Variants in ZNF432 observed in about 807,000 individuals in gnomAD.
ZNF432 encodes zinc finger protein 432.
Under a neutral mutation model 13.9 loss-of-function variants are expected in ZNF432, and 10 were observed. The observed-to-expected ratio is 0.72, with a 90% CI of 0.44 to 1.22. The LOEUF (loss-of-function observed/expected upper bound fraction) is 1.22. Among genes scored for constraint, ZNF432 ranks in the 50% most tolerant of loss-of-function variants. The pLI is 0.00. For missense variants in ZNF432, 793 were observed against 796.2 expected, an observed-to-expected ratio of 1.00 and a Z score of 0.05; for synonymous variants, 247 against 256.2, an observed-to-expected ratio of 0.96 and a Z score of 0.34.
chr19:52,044,227 C>T (rs1056791176), intron 2 of ZNF432, among the ~76,000 whole-genome samples: 11 of 151,774 alleles, frequency 7.2e-5, no homozygotes, highest in African/African-American at 2.2e-4. Context: ...TTATTTCACA[C>T]GAGAAATAAA....
chr19:52,039,940 C>A (rs2087118826), intron 4 of ZNF432, among the ~76,000 whole-genome samples: 1 of 151,032 alleles, frequency 6.6e-6, no homozygotes, highest in African/African-American at 2.4e-5. Flanking sequence ...GAAAATCTTC[C>A]AAAATTGACT....
Position 52,034,857 on chromosome 19 carries a change from G to A in ZNF432, c.822C>T (p.Ser274=). The A allele has an allele frequency of 6.2e-7, 1 of 1,613,822 alleles. No individual in the cohort carries two copies. Among genetic ancestry groups the A allele is most frequent in the South Asian group, 1.1e-5 (1 of 91,002 alleles). The change falls in exon 5 of 5, where the codon AGC becomes AGT. Residue 274 remains serine (S), a synonymous_variant. Coordinates refer to ENST00000221315, the MANE Select transcript of ZNF432 (RefSeq NM_014650.4). ...GAGTTCGCTGATGTTCAATCAGACG[G>A]CTCTTCATAGTGAAGACTTTTCCAC... ...SECGKVFTMK[S]RLIEHQRTHT...
At chr19:52,039,047 T>C (rs879303079) in intron 4 of ZNF432, among the ~76,000 whole-genome samples, 1 of 152,228 alleles carries the variant, frequency 6.6e-6, no homozygotes, top group Non-Finnish European at 1.5e-5. Context: ...GACTGAAACC[T>C]AATCAAAACT....
chr19:52,048,169 A>ACACG (rs2087207901), intron 1 of ZNF432, among the ~76,000 whole-genome samples: 1 of 150,354 alleles, frequency 6.7e-6, no homozygotes. Context: ...ACACACACAC[A>ACACG]CACACACACA....
chr19:52,041,332 G>C, intron 3 of ZNF432, 148 bp downstream of exon 3: 6 of 974,140 alleles, frequency 6.2e-6, no homozygotes, highest in Middle Eastern at 3.2e-4. Context: ...ACACTGAGGG[G>C]TGACGGTATA....
intron 2 of ZNF432, among the ~76,000 whole-genome samples, chr19:52,045,352 C>CTTTTTT (rs11433756): frequency 9.3e-6 from 1 of 107,556 alleles, no homozygotes; most frequent in African/African-American, 3.8e-5. Context: ...CTTTTTTTAC[C>CTTTTTT]TTTTTTTTTT....
chr19:52,041,636 G>T, intron 2 of ZNF432, 30 bp from the exon 3 acceptor site: 1 of 1,613,720 alleles, frequency 6.2e-7, no homozygotes, highest in Non-Finnish European at 8.5e-7. Flanking sequence ...TGCTTAATAG[G>T]AAGTGTTTCT....
At chr19:52,048,182 C>CAAAAAAAAAAAAAA (rs910956223) in intron 1 of ZNF432, among the ~76,000 whole-genome samples, 4 of 146,216 alleles carry the variant, frequency 2.7e-5, no homozygotes, top group African/African-American at 1.1e-4. Flanking sequence ...CACACACACA[C>CAAAAAAAAAAAAAA]AAAACCAGCC....
At position 52,032,745 on chromosome 19, in the gene ZNF432, A is replaced by G. The variant is rs966006760; in HGVS notation, c.*975T>C. 5.3e-5 allele frequency: 8 copies of G among 152,038 alleles called. No homozygotes were observed. The highest frequency in any genetic ancestry group is 1.9e-4 in the African/African-American group (8 of 41,410). The allele number at this position is 152,038 out of a possible 1,614,324, so 9.4% of individuals were successfully genotyped here. On this transcript the variant is annotated 3_prime_UTR_variant, in exon 5 of 5. Transcript: ENST00000221315. Reference sequence around the variant, plus strand: ...GCCACCATGCCCGGCATTATGTATCATTTTCATGAGACTTTTTTACTTCAT... The same window carrying G: ...GCCACCATGCCCGGCATTATGTATCGTTTTCATGAGACTTTTTTACTTCAT...
chr19:52,040,539 C>T lies in ZNF432; in HGVS notation c.187G>A (p.Gly63Arg), dbSNP rs926769893. ...TCTTCCATTGTCCATGGTTCTTCTC[C>T]TCGTTCCAACTTGGAGAGTGCATCT... ...KPDALSKLER[G>R]EEPWTMEDER... The change falls in exon 4 of 5, where the codon GGA (glycine) becomes AGA (arginine). Residue 63 changes from glycine to arginine, a missense_variant. Gly to Arg is a moderately radical substitution (Grantham distance 125). Transcript: ENST00000221315. The T allele has an allele frequency of 6.2e-7, 1 of 1,614,138 alleles. No individual in the cohort carries two copies. The highest frequency in any genetic ancestry group is 8.5e-7 in the Non-Finnish European group (1 of 1,180,018).
At chr19:52,042,820 T>C (rs1231065075) in intron 2 of ZNF432, among the ~76,000 whole-genome samples, 2 of 152,030 alleles carry the variant, frequency 1.3e-5, no homozygotes, top group South Asian at 2.1e-4. Context: ...CTATTGAACA[T>C]CAGATGCACA....
intron 2 of ZNF432, among the ~76,000 whole-genome samples, chr19:52,043,774 G>A (rs904260807): frequency 3.9e-5 from 6 of 152,256 alleles, no homozygotes; most frequent in African/African-American, 1.4e-4. Flanking sequence ...AGATGTTTAT[G>A]TGTATGCGTA....
rs2087028517 is a variant in ZNF432, at chr19:52,032,818, C to A, written c.*902G>T. The A allele has an allele frequency of 6.6e-6, 1 of 152,160 alleles. No homozygotes were observed. Among genetic ancestry groups the A allele is most frequent in the South Asian group, 2.1e-4 (1 of 4,830 alleles). The allele number at this position is 152,160 out of a possible 1,614,324, so 9.4% of individuals were successfully genotyped here. ...GTTACTCTTCATATAAGTTTTATTT[C>A]TGTATGAAGTAATGATGATGAGGCA... On this transcript the variant is annotated 3_prime_UTR_variant, in exon 5 of 5. Transcript: ENST00000221315.
rs1386409705 is a variant in ZNF432 at position 52,035,362 on chromosome 19, T to C, written c.317A>G (p.Glu106Gly). The change falls in exon 5 of 5, where the codon GAA becomes GGA. Residue 106 changes from glutamate (E) to glycine (G), a missense_variant. Physicochemically the swap from Glu to Gly is moderately conservative, Grantham distance 98. Transcript: ENST00000221315. ...RMLKSVEQYH[E>G]HNAFGNTASQ... ...GGCAGTATTTCCAAATGCATTATGT[T>C]CATGGTATTGTTCCACACTCTTCAG... The C allele has an allele frequency of 6.2e-7, 1 of 1,610,200 alleles. No individual in the cohort carries two copies.
chr19:52,034,613 T>C lies in ZNF432; in HGVS notation c.1066A>G (p.Thr356Ala). The C allele has an allele frequency of 6.2e-7, 1 of 1,611,568 alleles. No individual in the cohort carries two copies. Among genetic ancestry groups the C allele is most frequent in the South Asian group, 1.1e-5 (1 of 90,928 alleles). Residue 356 changes from threonine (T) to alanine (A), a missense_variant, in exon 5 of 5, where the codon ACA becomes GCA. Physicochemically the swap from Thr to Ala is moderately conservative, Grantham distance 58 (BLOSUM62 0). Coordinates refer to ENST00000221315, the MANE Select transcript of ZNF432 (RefSeq NM_014650.4). ...TGATGTATGATGACATAGTGTTTTG[T>C]GGTGAAGCCTTTCCCACATTCACTA... ...ICSECGKGFT[T>A]KHYVIIHQRN...
rs1173846682 is a variant in ZNF432, at chr19:52,034,392, A to C, written c.1287T>G (p.Tyr429Ter). ...AACCTTTTCCACATTCACTACATAG[A>C]TATGACTTCTCTACTGTATGATTTC... is the stretch of plus-strand genomic sequence containing the variant. ...HQRNHTVEKS[Y>*]LCSECGKGFT... Residue 429 changes from tyrosine to a stop codon, truncating the protein, a stop_gained, in exon 5 of 5, where the codon TAT (tyrosine) becomes TAG (stop). Transcript: ENST00000221315. LOFTEE classifies it low-confidence loss of function (END_TRUNC). The C allele has an allele frequency of 6.2e-7, 1 of 1,613,644 alleles. No homozygotes were observed. The highest frequency in any genetic ancestry group is 1.1e-5 in the South Asian group (1 of 91,034).
At chr19:52,040,450 TATA>T (rs753498124) in intron 4 of ZNF432, 35 bp downstream of exon 4, 2 of 1,572,480 alleles carry the variant, frequency 1.3e-6, no homozygotes, top group Non-Finnish European at 1.8e-6. Flanking sequence ...TTTCACTGAC[TATA>T]ATATTACTTA....
At position 52,040,940 on chromosome 19, in the gene ZNF432, A is replaced by C. The variant is rs77234198; in HGVS notation, c.143-357T>G. 5.4e-4 allele frequency among the ~76,000 whole-genome samples: 57 copies of C among 104,660 alleles called. No individual in the cohort carries two copies. In the East Asian group the frequency reaches 6.7e-3, roughly 12 times the overall value. The allele number at this position is 104,660 out of a possible 152,430, so 68.7% of individuals were successfully genotyped here. A position where few individuals can be genotyped will look rare whatever the true frequency, so the allele number is the denominator to read the frequency against. On this transcript the variant is annotated intron_variant, in intron 3 of 4. Transcript: ENST00000221315. ...TGGGCAACATAGACTCCATCTCTACAAAAAAAAAAAAAAATTAGCCAAGCA... is the reference window on the plus strand; with the variant it reads ...TGGGCAACATAGACTCCATCTCTACCAAAAAAAAAAAAAATTAGCCAAGCA...
rs567360788 is a variant in ZNF432, at chr19:52,039,278, C to T, written c.238+1210G>A. 7.9e-5 allele frequency among the ~76,000 whole-genome samples: 12 copies of T among 152,186 alleles called. 1 individual carries two copies. The South Asian group carries it at 1.7e-3, about 21-fold the overall frequency. On this transcript the variant is annotated intron_variant, in intron 4 of 4. Transcript: ENST00000221315. ...CGTTCCTAAAAAAGTTGTACATGAA[C>T]GTTCATAGCAGCATGATTCATAAAA...
Sources: allele counts gnomAD v4.1 joint callset (sites outside exome capture counted in the v4.1 genomes callset), GRCh38; gene constraint gnomAD v4.1.1; transcripts MANE v1.5; gene names NCBI Gene and HGNC (gene_info 2026-07-23, HGNC 2026-07-21).